Variants in DYNC2LI1 observed in about 807,000 individuals in gnomAD.
DYNC2LI1 encodes the protein cytoplasmic dynein 2 light intermediate chain 1.
In DYNC2LI1, 45 loss-of-function variants were observed where a neutral mutation model predicts 51.9. That is an observed-to-expected ratio of 0.87 (90% CI 0.68 to 1.11). The LOEUF (loss-of-function observed/expected upper bound fraction) is 1.11, where lower values mean the gene tolerates loss of function less well. Among genes scored for constraint, DYNC2LI1 ranks in the 50% most tolerant of loss-of-function variants. The probability of loss-of-function intolerance (pLI) is 0.00; values close to 1 mark genes in which losing one functional copy is unlikely to be tolerated. For missense variants in DYNC2LI1, 490 were observed against 417.4 expected (o/e 1.17, Z -1.51); for synonymous variants, 130 against 137.8 (o/e 0.94, Z 0.40).
At chr2:43,820,074 G>T in the DYNC2LI1 span, 5 of 1,613,926 alleles carry the variant, frequency 3.1e-6, no homozygotes, top group Admixed American at 6.7e-5. Context: ...TCCAAATCGG[G>T]CAACCTCAGG....
At chr2:43,819,698 G>A in the DYNC2LI1 span, among the ~76,000 whole-genome samples, 381 of 152,204 alleles carry the variant, frequency 2.5e-3, 9 homozygotes, top group East Asian at 0.049. Flanking sequence ...ACATAAACTT[G>A]TTAGTTCCTG....
chr2:43,774,065 C>A lies in DYNC2LI1; in HGVS notation c.-74C>A. 1.2e-6 allele frequency: 2 copies of A among 1,600,712 alleles called. No individual in the cohort carries two copies. The highest frequency in any genetic ancestry group is 2.3e-5 in the East Asian group (1 of 44,170). On this transcript the variant is annotated 5_prime_UTR_variant, in exon 1 of 13. Transcript: ENST00000260605. ...GAAGGCCTCACTCCCAGACTCCTTG[C>A]GGAGCTCGCCGCCTGATTCTAGGCT...
Position 43,783,544 on chromosome 2 carries a change from T to G in DYNC2LI1, c.151T>G (p.Cys51Gly). 2.0e-6 allele frequency: 3 copies of G among 1,534,000 alleles called. No individual in the cohort carries two copies. The highest frequency in any genetic ancestry group is 2.6e-6 in the Non-Finnish European group (3 of 1,146,814). ...GGGAAAGACTACTATTATTCTAAGG[T>G]GTCTTGACAGGTAAGTGTTATGTTA... ...NGGKTTIILRCLDRDEPPKPT... is the reference protein window; with the variant it reads ...NGGKTTIILRGLDRDEPPKPT... The change falls in exon 3 of 13, where the codon TGT becomes GGT. Residue 51 changes from cysteine to glycine, a missense_variant. Coordinates refer to ENST00000260605, the MANE Select transcript of DYNC2LI1 (RefSeq NM_016008.4).
chr2:43,810,378 C>G (rs1666439923), downstream of DYNC2LI1: 1 of 985,354 alleles, frequency 1.0e-6, no homozygotes, highest in Non-Finnish European at 1.2e-6. Context: ...TTTTGAAGAA[C>G]AGGCACATCT....
chr2:43,782,076 A>T (rs1673313981), intron 2 of DYNC2LI1, among the ~76,000 whole-genome samples: 1 of 151,496 alleles, frequency 6.6e-6, no homozygotes, highest in Non-Finnish European at 1.5e-5. Flanking sequence ...AATTGAAAAC[A>T]GAGACATGCT....
At chr2:43,805,475 C>A in intron 12 of DYNC2LI1, 1 of 261,406 alleles carries the variant, frequency 3.8e-6, no homozygotes, top group Non-Finnish European at 7.2e-6. Context: ...GTCATCCCAC[C>A]ACCCAGACAT....
At chr2:43,800,953 T>A (rs754780325) in intron 9 of DYNC2LI1, 36 bp downstream of exon 9, 1 of 1,410,638 alleles carries the variant, frequency 7.1e-7, no homozygotes, top group Non-Finnish European at 9.9e-7. Context: ...ATTTATTGAG[T>A]GATTGATTTA....
At chr2:43,820,706 T>C in the DYNC2LI1 span, among the ~76,000 whole-genome samples, 1 of 152,148 alleles carries the variant, frequency 6.6e-6, no homozygotes, top group South Asian at 2.1e-4. Flanking sequence ...CAGACTGGAG[T>C]GCAGTGGCGT....
the DYNC2LI1 span, among the ~76,000 whole-genome samples, chr2:43,816,647 G>C: frequency 2.6e-5 from 4 of 152,160 alleles, no homozygotes. Flanking sequence ...AGGTTCAGGT[G>C]ATTCTCCTGC....
chr2:43,809,899 T>G lies in DYNC2LI1; in HGVS notation c.*132T>G. On this transcript the variant is annotated 3_prime_UTR_variant, in exon 13 of 13. Coordinates refer to ENST00000260605, the MANE Select transcript of DYNC2LI1 (RefSeq NM_016008.4). ...TTTGTTAAAGGACAAGCTGGATTTC[T>G]TGGACTAGTGCATCTCCCTGTATAT... The G allele has an allele frequency of 7.0e-7, 1 of 1,430,782 alleles. No individual in the cohort carries two copies. The allele number at this position is 1,430,782 out of a possible 1,614,324, so 88.6% of individuals were successfully genotyped here. A position where few individuals can be genotyped will look rare whatever the true frequency, so the allele number is the denominator to read the frequency against.
downstream of DYNC2LI1, chr2:43,813,273 C>T (rs779109455): frequency 9.3e-6 from 15 of 1,613,736 alleles, no homozygotes; most frequent in Middle Eastern, 1.6e-4. Flanking sequence ...AGTGAAGGCA[C>T]ACATTGGATT....
chr2:43,774,291 CT>C (rs2104649196), intron 1 of DYNC2LI1, 145 bp downstream of exon 1: 1 of 1,078,894 alleles, frequency 9.3e-7, no homozygotes, highest in East Asian at 2.7e-5. Context: ...AGGAATCAGC[CT>C]TGAGCATAAA....
intron 8 of DYNC2LI1, among the ~76,000 whole-genome samples, chr2:43,798,814 G>C (rs1665978249): frequency 6.6e-6 from 1 of 152,128 alleles, no homozygotes; most frequent in South Asian, 2.1e-4. Flanking sequence ...TAGCCAAAGT[G>C]ATCAAAGCCT....
At chr2:43,781,424 C>T (rs1158760802) in intron 2 of DYNC2LI1, among the ~76,000 whole-genome samples, 1 of 151,406 alleles carries the variant, frequency 6.6e-6, no homozygotes, top group Non-Finnish European at 1.5e-5. Flanking sequence ...TACTAGTGTA[C>T]CATGAAAATT....
In DYNC2LI1 at chr2:43,800,840, G is replaced by A; in HGVS notation, c.655-1G>A. 6.4e-7 allele frequency: 1 copy of A among 1,567,780 alleles called. No individual in the cohort carries two copies. The highest frequency in any genetic ancestry group is 8.7e-7 in the Non-Finnish European group (1 of 1,149,732). ...AATTTGTTCTCCTGATTTGTTTAAAGTTTACCAGTAAATCAGAAGCTCTAT... is the reference window on the plus strand; with the variant it reads ...AATTTGTTCTCCTGATTTGTTTAAAATTTACCAGTAAATCAGAAGCTCTAT... On this transcript the variant is annotated splice_acceptor_variant, in intron 8 of 12. Transcript: ENST00000260605. LOFTEE classifies it high-confidence loss of function.
the DYNC2LI1 span, chr2:43,819,929 TC>T: frequency 1.2e-6 from 2 of 1,614,134 alleles, no homozygotes; most frequent in Non-Finnish European, 1.7e-6. Context: ...GGAATCCAGA[TC>T]CAACAAGCAC....
intron 12 of DYNC2LI1, among the ~76,000 whole-genome samples, chr2:43,807,765 A>G (rs984377268): frequency 6.6e-6 from 1 of 151,284 alleles, no homozygotes; most frequent in African/African-American, 2.4e-5. Flanking sequence ...AAAAAAAAAA[A>G]AAAAAAAAGG....
rs182266948 is a variant in DYNC2LI1, at chr2:43,780,613, C to T, written c.127-2907C>T. Among the ~76,000 whole-genome samples the T allele has an allele frequency of 6.3e-3, 957 of 152,112 alleles. 15 individuals carry two copies. The highest frequency in any genetic ancestry group is 0.022 in the African/African-American group (908 of 41,488). On this transcript the variant is annotated intron_variant, in intron 2 of 12. Transcript: ENST00000260605. ...GGGTAAGTCATATTTTAGTTAAGGCCAACATGTGGAGAGAATATTCTGAAA... is the reference window on the plus strand; with the variant it reads ...GGGTAAGTCATATTTTAGTTAAGGCTAACATGTGGAGAGAATATTCTGAAA...
chr2:43,802,272 T>G (rs1434717016), intron 10 of DYNC2LI1, among the ~76,000 whole-genome samples: 2 of 152,146 alleles, frequency 1.3e-5, no homozygotes, highest in Non-Finnish European at 2.9e-5. Flanking sequence ...GGCCCTTACC[T>G]TCCCACAGAA....
Sources: allele counts gnomAD v4.1 joint callset (sites outside exome capture counted in the v4.1 genomes callset), GRCh38; gene constraint gnomAD v4.1.1; transcripts MANE v1.5; gene names NCBI Gene and HGNC (gene_info 2026-07-23, HGNC 2026-07-21).